FER: variants seen among roughly 807,000 people sequenced by gnomAD.
FER encodes FER tyrosine kinase, also known as tyrosine-protein kinase Fer.
FER carries 63 observed loss-of-function variants against 111.0 expected under a neutral mutation model. The ratio of observed to expected loss-of-function variants is 0.57; its 90% CI spans 0.46 to 0.70. The LOEUF (loss-of-function observed/expected upper bound fraction) is 0.70, where lower values mean the gene tolerates loss of function less well. Ranked by LOEUF, FER falls within the 30% of genes least tolerant of loss-of-function variation. The pLI, the probability that FER is intolerant of heterozygous loss-of-function variation, is 0.00. For missense variants in FER, 914 were observed against 954.0 expected, an observed-to-expected ratio of 0.96 and a Z score of 0.55; for synonymous variants, 327 against 313.9, an observed-to-expected ratio of 1.04 and a Z score of -0.44.
intron 13 of FER, among the ~76,000 whole-genome samples, chr5:109,020,498 T>A (rs1177876847): frequency 6.6e-6 from 1 of 152,006 alleles, no homozygotes; most frequent in African/African-American, 2.4e-5. Flanking sequence ...GATCATTAAC[T>A]TGTAAGATTG....
At chr5:109,077,539 A>T (rs1021650260) in intron 16 of FER, among the ~76,000 whole-genome samples, 2 of 152,200 alleles carry the variant, frequency 1.3e-5, no homozygotes, top group African/African-American at 4.8e-5. Context: ...CCCAGTTACC[A>T]TTCATTTTAA....
chr5:109,094,915 A>G (rs939622906), intron 16 of FER, among the ~76,000 whole-genome samples: 9 of 152,172 alleles, frequency 5.9e-5, no homozygotes, highest in South Asian at 2.1e-4. Flanking sequence ...GTGTTTGTCA[A>G]AGTTGACTAT....
intron 17 of FER, among the ~76,000 whole-genome samples, chr5:109,115,209 G>C (rs1178397236): frequency 2.0e-5 from 3 of 152,116 alleles, no homozygotes; most frequent in African/African-American, 7.2e-5. Context: ...TTGTAAACAT[G>C]TAAGACCAGA....
At chr5:109,108,040 A>G (rs1260164886) in intron 17 of FER, among the ~76,000 whole-genome samples, 2 of 152,162 alleles carry the variant, frequency 1.3e-5, no homozygotes, top group African/African-American at 2.4e-5. Flanking sequence ...AGAGGAGCCA[A>G]TCTCTTGTGT....
intron 16 of FER, chr5:109,052,453 C>T (rs555271353): frequency 2.9e-5 from 35 of 1,215,252 alleles, no homozygotes; most frequent in South Asian, 2.5e-4. Context: ...GCTCCAGTCA[C>T]GCATGTTGCC....
chr5:108,954,981 G>A (rs570756131), intron 12 of FER, 49 bp downstream of exon 12: 33 of 1,421,684 alleles, frequency 2.3e-5, no homozygotes, highest in South Asian at 7.1e-5. Flanking sequence ...AGTTCATTGC[G>A]GTACAATTAT....
intron 15 of FER, among the ~76,000 whole-genome samples, chr5:109,045,191 T>C (rs1371407680): frequency 6.6e-6 from 1 of 151,854 alleles, no homozygotes; most frequent in African/African-American, 2.4e-5. Flanking sequence ...CTTGCTTCTG[T>C]TTTCTCAGCT....
chr5:108,819,234 G>C (rs571771927), intron 3 of FER, among the ~76,000 whole-genome samples: 1 of 143,718 alleles, frequency 7.0e-6, no homozygotes, highest in Non-Finnish European at 1.5e-5. Flanking sequence ...TTTTGCCCAC[G>C]CTCGTCTTGA....
At chr5:109,152,149 A>T (rs775878628) in intron 17 of FER, among the ~76,000 whole-genome samples, 14 of 152,094 alleles carry the variant, frequency 9.2e-5, no homozygotes, top group Non-Finnish European at 1.0e-4. Context: ...AGGCTATGTA[A>T]CCCTACATAT....
intron 9 of FER, among the ~76,000 whole-genome samples, chr5:108,896,253 T>C (rs1234577897): frequency 6.6e-6 from 1 of 152,048 alleles, no homozygotes; most frequent in Non-Finnish European, 1.5e-5. Context: ...CAGGACCTGG[T>C]CCTTAGAAAT....
rs200830629 is a variant in FER, at chr5:109,187,550, C to T, written c.2444C>T (p.Thr815Ile). The T allele has an allele frequency of 6.8e-6, 11 of 1,614,026 alleles. No individual in the cohort carries two copies. Among genetic ancestry groups the T allele is most frequent in the South Asian group, 1.1e-5 (1 of 91,080 alleles). ...TTCAGTGAACTTCAGAAAGAGCTCA[C>T]TATCATCAAGAGAAAACTCACATAG... Reference protein sequence around the residue: ...PKFSELQKELTIIKRKLT With the variant: ...PKFSELQKELIIIKRKLT Residue 815 changes from threonine (T) to isoleucine (I), a missense_variant, in exon 20 of 20, where the codon ACT (threonine) becomes ATT (isoleucine). Thr to Ile is a moderately conservative substitution (Grantham distance 89). This residue lies in a region of FER where 134 missense variants were observed against 149.4 expected (regional missense o/e 0.90). Coordinates refer to ENST00000281092, the MANE Select transcript of FER (RefSeq NM_005246.4).
At position 109,189,253 on chromosome 5, in the gene FER, G is replaced by A. The variant is rs904848569; in HGVS notation, c.*1678G>A. 6.6e-6 allele frequency: 1 copy of A among 152,150 alleles called. No individual in the cohort carries two copies. The highest frequency in any genetic ancestry group is 2.4e-5 in the African/African-American group (1 of 41,418). 9.4% of individuals were successfully genotyped at this position (152,150 alleles called of 1,614,324 possible). On this transcript the variant is annotated 3_prime_UTR_variant, in exon 20 of 20. Transcript: ENST00000281092. ...AAATGCATATATAGAAGATGGTCAT[G>A]CTCAGGGCTAAATATGTTCTGGAAG...
At chr5:108,820,179 A>G (rs1466882430) in intron 3 of FER, 15 of 985,336 alleles carry the variant, frequency 1.5e-5, no homozygotes, top group Middle Eastern at 5.2e-4. Context: ...GTCCTCTACT[A>G]GAGCTGGATC....
intron 17 of FER, among the ~76,000 whole-genome samples, chr5:109,121,129 T>C (rs79386977): frequency 0.01 from 1,590 of 152,226 alleles, 22 homozygotes; most frequent in African/African-American, 0.036. Flanking sequence ...TTCCATACTA[T>C]GTTGAGTAAC....
At chr5:109,020,286 C>T (rs1246233071) in intron 13 of FER, among the ~76,000 whole-genome samples, 2 of 151,856 alleles carry the variant, frequency 1.3e-5, no homozygotes, top group Admixed American at 6.6e-5. Context: ...TTTGAAATTA[C>T]ACTTTTAAAA....
intron 2 of FER, among the ~76,000 whole-genome samples, chr5:108,786,824 T>A (rs1309576163): frequency 6.6e-6 from 1 of 152,226 alleles, no homozygotes; most frequent in Non-Finnish European, 1.5e-5. Flanking sequence ...TCTTAAACCC[T>A]ATTTTTTTTC....
At chr5:109,084,277 A>ACATACAT (rs1777312439) in intron 16 of FER, among the ~76,000 whole-genome samples, 1 of 151,986 alleles carries the variant, frequency 6.6e-6, no homozygotes, top group South Asian at 2.1e-4. Flanking sequence ...TTATTGCCAC[A>ACATACAT]CATACATCTT....
At chr5:109,042,176 G>C (rs996170324) in intron 14 of FER, among the ~76,000 whole-genome samples, 1 of 152,108 alleles carries the variant, frequency 6.6e-6, no homozygotes, top group South Asian at 2.1e-4. Flanking sequence ...AAGATTAACC[G>C]AGGACCAGGG....
intron 13 of FER, among the ~76,000 whole-genome samples, chr5:109,025,329 C>T (rs921724214): frequency 6.6e-6 from 1 of 152,132 alleles, no homozygotes; most frequent in East Asian, 1.9e-4. Flanking sequence ...TTGAAGAGGT[C>T]CATCACGTCC....
Sources: gnomAD v4.1 joint callset for allele counts (sites outside exome capture counted in the v4.1 genomes callset) on GRCh38, gnomAD v4.1.1 for gene constraint, gnomAD v4.1.1 regional missense constraint, MANE v1.5 for transcripts, NCBI Gene and HGNC (gene_info 2026-07-23, HGNC 2026-07-21) for gene names.